BRD7: variants seen among roughly 807,000 people sequenced by gnomAD.
BRD7 encodes the protein bromodomain-containing protein 7.
BRD7 carries 15 observed loss-of-function variants against 82.1 expected under a neutral mutation model. The observed-to-expected ratio is 0.18, with a 90% CI of 0.12 to 0.28. The LOEUF is 0.28. Ranked by LOEUF, BRD7 falls within the 10% of genes least tolerant of loss-of-function variation. The pLI is 1.00. For synonymous variants in BRD7, 232 were observed against 266.9 expected (o/e 0.87, Z 1.27); for missense variants, 638 against 779.9 (o/e 0.82, Z 2.17).
chr16:50,337,092 G>A, intron 6 of BRD7, among the ~76,000 whole-genome samples: 1 of 152,058 alleles, frequency 6.6e-6, no homozygotes, highest in East Asian at 1.9e-4. Flanking sequence ...AAGTCACACA[G>A]CTTCCAAAGG....
At chr16:50,356,690 G>T (rs1409588321) in intron 2 of BRD7, among the ~76,000 whole-genome samples, 1 of 147,264 alleles carries the variant, frequency 6.8e-6, no homozygotes, top group African/African-American at 2.5e-5. Context: ...AGGGATCTCT[G>T]TCTGCCCTCT....
At chr16:50,335,288 C>A (rs1208592689) in intron 6 of BRD7, among the ~76,000 whole-genome samples, 1 of 152,178 alleles carries the variant, frequency 6.6e-6, no homozygotes, top group Non-Finnish European at 1.5e-5. Context: ...TGTATCAAAG[C>A]CTAGGGCATG....
chr16:50,320,878 A>T (rs2037072039), intron 13 of BRD7, 104 bp from the exon 14 acceptor site: 6 of 773,464 alleles, frequency 7.8e-6, no homozygotes, highest in Non-Finnish European at 1.4e-5. Context: ...AAGTTATTCT[A>T]CCTATTTACT....
chr16:50,327,928 G>A (rs551661222), intron 9 of BRD7, among the ~76,000 whole-genome samples: 45 of 152,162 alleles, frequency 3.0e-4, no homozygotes, highest in Non-Finnish European at 5.1e-4. Context: ...AAACATCAGA[G>A]ACTGTTTCCT....
At chr16:50,368,622 C>G in intron 1 of BRD7, 104 bp downstream of exon 1, 1 of 1,241,290 alleles carries the variant, frequency 8.1e-7, no homozygotes, top group Admixed American at 3.0e-5. Flanking sequence ...CTGGGCCTGC[C>G]GTGGGAAGGA....
chr16:50,367,819 A>T (rs937205237), intron 2 of BRD7, among the ~76,000 whole-genome samples: 1 of 152,172 alleles, frequency 6.6e-6, no homozygotes, highest in Non-Finnish European at 1.5e-5. Context: ...CCCTGCCTAG[A>T]TGGAAAAACC....
intron 15 of BRD7, 60 bp downstream of exon 15, chr16:50,320,188 T>A: frequency 6.4e-7 from 1 of 1,566,240 alleles, no homozygotes; most frequent in Non-Finnish European, 8.6e-7. Flanking sequence ...ACCACTGTAC[T>A]CAAGAAGTTT....
chr16:50,319,838 C>G lies in BRD7; in HGVS notation c.1900+49G>C, dbSNP rs150766530. The G allele has an allele frequency of 4.3e-4, 683 of 1,589,516 alleles. 7 individuals are homozygous for G. The East Asian group carries it at 0.013, about 31-fold the overall frequency. ...ATCTCGGGCAGACACTGAGGGATGA[C>G]TATAGTCACCATAGCTTTCTGCTTT... On this transcript the variant is annotated intron_variant, in intron 16 of 16. Coordinates refer to ENST00000394688, the MANE Select transcript of BRD7 (RefSeq NM_013263.5).
At chr16:50,343,804 A>AG (rs2038170405) in intron 5 of BRD7, among the ~76,000 whole-genome samples, 1 of 152,164 alleles carries the variant, frequency 6.6e-6, no homozygotes, top group Non-Finnish European at 1.5e-5. Context: ...AGCCACCGGG[A>AG]AGCTCGAACT....
chr16:50,363,668 C>CGT (rs1567292172), intron 2 of BRD7, among the ~76,000 whole-genome samples: 4 of 53,876 alleles, frequency 7.4e-5, no homozygotes, highest in Non-Finnish European at 7.7e-5. Flanking sequence ...TGTGCGCGCG[C>CGT]GCGCGTGCGC....
chr16:50,347,994 T>C (rs1380337395), intron 5 of BRD7, among the ~76,000 whole-genome samples: 1 of 152,184 alleles, frequency 6.6e-6, no homozygotes, highest in African/African-American at 2.4e-5. Flanking sequence ...GGCATCACAC[T>C]ACCTGACTTC....
chr16:50,359,230 G>A (rs892501187), intron 2 of BRD7, among the ~76,000 whole-genome samples: 1 of 152,274 alleles, frequency 6.6e-6, no homozygotes, highest in Middle Eastern at 3.4e-3. Flanking sequence ...TTTATAAAGC[G>A]GGTTTAAATT....
In BRD7 at chr16:50,319,212, C is replaced by T; in HGVS notation, c.1955G>A (p.Ter652=). Residue 652 remains the stop codon, a stop_retained_variant, in exon 17 of 17, where the codon TGA becomes TAA. Transcript: ENST00000394688. ...TATATAATCAAATACCAGGCAGCCT[C>T]AACTTCCACCAGGTCCACACTCAGC... ...DVAECGPGGS[*] 5 of 1,612,022 alleles carry T rather than the reference C, an allele frequency of 3.1e-6. No homozygotes were observed. Among genetic ancestry groups the T allele is most frequent in the Non-Finnish European group, 3.4e-6 (4 of 1,179,104 alleles).
At chr16:50,357,796 C>A (rs2038793414) in intron 2 of BRD7, among the ~76,000 whole-genome samples, 1 of 151,984 alleles carries the variant, frequency 6.6e-6, no homozygotes, top group African/African-American at 2.4e-5. Flanking sequence ...GCCTGGCCAA[C>A]AAAGCGAAAC....
intron 5 of BRD7, among the ~76,000 whole-genome samples, chr16:50,347,726 G>A (rs1448870193): frequency 6.6e-6 from 1 of 152,134 alleles, no homozygotes; most frequent in African/African-American, 2.4e-5. Flanking sequence ...CCTCTTCAAG[G>A]AGAACTATAA....
intron 6 of BRD7, among the ~76,000 whole-genome samples, chr16:50,337,571 T>C (rs977486253): frequency 1.3e-5 from 2 of 152,180 alleles, no homozygotes; most frequent in Non-Finnish European, 2.9e-5. Context: ...CATCTGTTCA[T>C]TCTTTATAAA....
rs1243328047 is a variant in BRD7 at position 50,320,685 on chromosome 16, T to G, written c.1590A>C (p.Pro530=). The G allele has an allele frequency of 1.2e-6, 2 of 1,613,912 alleles. No individual in the cohort carries two copies. Among genetic ancestry groups the G allele is most frequent in the African/African-American group, 2.7e-5 (2 of 74,910 alleles). Residue 530 remains proline (P), a synonymous_variant, in exon 14 of 17, where the codon CCA becomes CCC. Coordinates refer to ENST00000394688, the MANE Select transcript of BRD7 (RefSeq NM_013263.5). ...ALKAVTNFGV[P]VEVFDSEEAE... ...TACCTTCAGAGTCAAAAACTTCAACTGGAACGCCAAAATTTGTTACTGCTT... is the reference window on the plus strand; with the variant it reads ...TACCTTCAGAGTCAAAAACTTCAACGGGAACGCCAAAATTTGTTACTGCTT...
intron 2 of BRD7, among the ~76,000 whole-genome samples, chr16:50,356,643 A>G (rs1226755301): frequency 6.6e-6 from 1 of 152,238 alleles, no homozygotes; most frequent in East Asian, 1.9e-4. Flanking sequence ...TGGTTCTATC[A>G]GAAGGAAAGA....
At chr16:50,333,298 C>A (rs1256123818) in intron 8 of BRD7, among the ~76,000 whole-genome samples, 1 of 152,160 alleles carries the variant, frequency 6.6e-6, no homozygotes, top group Non-Finnish European at 1.5e-5. Flanking sequence ...ATGTACTTTA[C>A]AAATGAACAC....
Sources: gnomAD v4.1 joint callset for allele counts (sites outside exome capture counted in the v4.1 genomes callset) on GRCh38, gnomAD v4.1.1 for gene constraint, MANE v1.5 for transcripts, NCBI Gene and HGNC (gene_info 2026-07-23, HGNC 2026-07-21) for gene names.